The following ZNF782 variants were observed in gnomAD, a reference collection of about 807,000 sequenced individuals.
The protein encoded by ZNF782 is zinc finger protein 782.
Under a neutral mutation model 13.0 loss-of-function variants are expected in ZNF782, and 12 were observed. The ratio of observed to expected loss-of-function variants is 0.92; its 90% CI spans 0.59 to 1.50. The LOEUF (loss-of-function observed/expected upper bound fraction) is 1.50, where lower values mean the gene tolerates loss of function less well. ZNF782 is among the 40% of genes most tolerant of loss of function. The probability of loss-of-function intolerance (pLI) is 0.00; values close to 1 mark genes in which losing one functional copy is unlikely to be tolerated. For synonymous variants in ZNF782, 284 were observed against 283.0 expected (o/e 1.00, Z -0.04); for missense variants, 770 against 822.9 (o/e 0.94, Z 0.79).
At chr9:96,881,988 AGTGTGTGTGTGTGTGT>A in the ZNF782 span, among the ~76,000 whole-genome samples, 1 of 148,294 alleles carries the variant, frequency 6.7e-6, no homozygotes, top group African/African-American at 2.5e-5. Flanking sequence ...TGGAAGTATG[AGTGTGTGTGTGTGTGT>A]GTGTGTGTGT....
At chr9:96,910,878 C>T in the ZNF782 span, among the ~76,000 whole-genome samples, 34 of 148,846 alleles carry the variant, frequency 2.3e-4, no homozygotes, top group African/African-American at 3.0e-4. Context: ...CCTCGTGATC[C>T]ACCCACCTCG....
chr9:96,917,454 C>A, the ZNF782 span, among the ~76,000 whole-genome samples: 5 of 151,278 alleles, frequency 3.3e-5, 1 homozygote, highest in African/African-American at 1.2e-4. Context: ...TTTTTTGAGA[C>A]AGAGTCTAGC....
chr9:96,826,307 C>G (rs1293828219), intron 5 of ZNF782, among the ~76,000 whole-genome samples: 2 of 144,412 alleles, frequency 1.4e-5, no homozygotes, highest in Non-Finnish European at 3.1e-5. Context: ...GAACAAAAAA[C>G]CAAACACCGC....
intron 1 of ZNF782, among the ~76,000 whole-genome samples, chr9:96,867,648 C>A (rs760771224): frequency 6.6e-6 from 1 of 152,092 alleles, no homozygotes; most frequent in Non-Finnish European, 1.5e-5. Context: ...GTAATAGTGA[C>A]GACTAGTAAA....
In ZNF782 at chr9:96,827,101, A is replaced by C; in HGVS notation, c.223T>G (p.Phe75Val). The change falls in exon 5 of 6, where the codon TTT becomes GTT. Residue 75 changes from phenylalanine (F) to valine (V), a missense_variant. Transcript: ENST00000481138. The stretch of plus-strand genomic sequence containing the variant: ...TCACCTGGGGAGTTCCTGCTTAGAA[A>C]TCCTTTCTCTTTCTCTAATAACCAT... The part of the protein sequence containing the change: ...DPWLLEKEKG[F>V]LSRNSPEDSQ... 1 of 1,611,402 alleles carries C rather than the reference A, an allele frequency of 6.2e-7. No individual in the cohort carries two copies. The highest frequency in any genetic ancestry group is 8.5e-7 in the Non-Finnish European group (1 of 1,178,806).
chr9:96,867,372 C>T (rs1417327909), intron 1 of ZNF782, among the ~76,000 whole-genome samples: 1 of 152,158 alleles, frequency 6.6e-6, no homozygotes, highest in Non-Finnish European at 1.5e-5. Flanking sequence ...ATGACTTGCT[C>T]CTTCTTGCCT....
intron 4 of ZNF782, among the ~76,000 whole-genome samples, chr9:96,835,731 T>C (rs1445596792): frequency 6.6e-6 from 1 of 152,198 alleles, no homozygotes; most frequent in African/African-American, 2.4e-5. Flanking sequence ...GCTAGAGCCA[T>C]GGAGGTGTGT....
At chr9:96,864,992 G>A (rs551069276) in intron 1 of ZNF782, among the ~76,000 whole-genome samples, 7 of 151,962 alleles carry the variant, frequency 4.6e-5, no homozygotes, top group African/African-American at 7.3e-5. Flanking sequence ...TCTGCTGTGA[G>A]CTAGGATCAT....
At chr9:96,919,126 T>A in the ZNF782 span, 1 of 163,794 alleles carries the variant, frequency 6.1e-6, no homozygotes, top group East Asian at 2.0e-4. Context: ...TTCCAAAAAA[T>A]CAAAATTGGA....
the ZNF782 span, chr9:96,889,158 G>C: frequency 6.6e-6 from 1 of 152,246 alleles, no homozygotes; most frequent in African/African-American, 2.4e-5. Context: ...TACTCCTCCT[G>C]CCATGCATCA....
the ZNF782 span, among the ~76,000 whole-genome samples, chr9:96,924,743 C>A: frequency 2.6e-5 from 4 of 152,224 alleles, no homozygotes; most frequent in Non-Finnish European, 4.4e-5. Context: ...ACGGTTTCAA[C>A]TGCTGAGGTT....
chr9:96,852,090 T>C (rs1267633087), intron 2 of ZNF782, 85 bp from the exon 3 acceptor site: 1 of 852,920 alleles, frequency 1.2e-6, no homozygotes, highest in South Asian at 1.6e-5. Context: ...GCAACCCAGT[T>C]GGAGAGCAGC....
At chr9:96,896,689 C>T in the ZNF782 span, among the ~76,000 whole-genome samples, 9 of 152,158 alleles carry the variant, frequency 5.9e-5, no homozygotes, top group Non-Finnish European at 1.2e-4. Flanking sequence ...GCCAAGTGAC[C>T]CAAAAAGCTG....
intron 4 of ZNF782, among the ~76,000 whole-genome samples, chr9:96,844,496 T>C (rs1349159389): frequency 1.3e-5 from 2 of 152,142 alleles, no homozygotes; most frequent in African/African-American, 2.4e-5. Context: ...AGTATATAAT[T>C]TATGATTCCA....
the ZNF782 span, among the ~76,000 whole-genome samples, chr9:96,884,111 G>C: frequency 2.9e-4 from 44 of 152,344 alleles, no homozygotes; most frequent in Non-Finnish European, 5.6e-4. Flanking sequence ...CCAATCTGGT[G>C]GTATTGGCAG....
chr9:96,903,764 G>A, the ZNF782 span, among the ~76,000 whole-genome samples: 822 of 151,178 alleles, frequency 5.4e-3, 15 homozygotes, highest in African/African-American at 0.017. Context: ...GGGTTTCACC[G>A]TGTTCGCCAG....
upstream of ZNF782, among the ~76,000 whole-genome samples, chr9:96,854,798 G>A (rs1397515370): frequency 6.6e-6 from 1 of 151,132 alleles, no homozygotes; most frequent in Admixed American, 6.6e-5. Flanking sequence ...TTTTTTTTCC[G>A]TAAGACTTTC....
the ZNF782 span, among the ~76,000 whole-genome samples, chr9:96,911,895 T>C: frequency 6.6e-6 from 1 of 152,038 alleles, no homozygotes; most frequent in African/African-American, 2.4e-5. Flanking sequence ...AGTAGTTGGT[T>C]TATATGATTT....
At chr9:96,840,520 C>A (rs1276508644) in intron 4 of ZNF782, among the ~76,000 whole-genome samples, 3 of 151,960 alleles carry the variant, frequency 2.0e-5, no homozygotes, top group Non-Finnish European at 4.4e-5. Context: ...TTTTCTTAAC[C>A]TCAGAAACTC....
Sources: allele counts gnomAD v4.1 joint callset (sites outside exome capture counted in the v4.1 genomes callset), GRCh38; gene constraint gnomAD v4.1.1; transcripts MANE v1.5; gene names NCBI Gene and HGNC (gene_info 2026-07-23, HGNC 2026-07-21).